Variants in LRRN3 observed in about 807,000 individuals in gnomAD.
LRRN3 encodes leucine rich repeat neuronal 3.
Under a neutral mutation model 40.1 loss-of-function variants are expected in LRRN3, and 15 were observed. The observed-to-expected ratio is 0.37, with a 90% confidence interval of 0.25 to 0.58. The LOEUF is 0.58. Ranked by LOEUF, LRRN3 falls within the 20% of genes least tolerant of loss-of-function variation. The probability of loss-of-function intolerance (pLI) is 0.72; values close to 1 mark genes in which losing one functional copy is unlikely to be tolerated. For synonymous variants in LRRN3, 308 were observed against 297.2 expected (o/e 1.04, Z -0.37); for missense variants, 746 against 837.7 (o/e 0.89, Z 1.35).
At chr7:111,119,143 G>T (rs1057093038) in intron 2 of LRRN3, among the ~76,000 whole-genome samples, 1 of 152,110 alleles carries the variant, frequency 6.6e-6, no homozygotes, top group Non-Finnish European at 1.5e-5. Context: ...CAGACCTAAC[G>T]AATTAATTGA....
At chr7:111,121,705 T>C (rs1563266224) in intron 2 of LRRN3, among the ~76,000 whole-genome samples, 1 of 152,282 alleles carries the variant, frequency 6.6e-6, no homozygotes, top group Non-Finnish European at 1.5e-5. Flanking sequence ...AGAAATACCA[T>C]TTGACCCAGC....
Position 111,124,144 on chromosome 7 carries a change from A to G in LRRN3, c.1372A>G (p.Thr458Ala). The change falls in exon 3 of 3, where the codon ACA becomes GCA. Residue 458 changes from threonine to alanine, a missense_variant. Thr to Ala is a moderately conservative substitution (Grantham distance 58). Coordinates refer to ENST00000308478, the MANE Select transcript of LRRN3 (RefSeq NM_001099658.2). Reference protein sequence around the residue: ...AEPQPEIYWITPSGQKLLPNT... With the variant: ...AEPQPEIYWIAPSGQKLLPNT... ...ACCACAGCCTGAAATCTACTGGATA[A>G]CACCTTCTGGTCAAAAACTCTTGCC... 1 of 1,613,994 alleles carries G rather than the reference A, an allele frequency of 6.2e-7. No individual in the cohort carries two copies. Among genetic ancestry groups the G allele is most frequent in the Non-Finnish European group, 8.5e-7 (1 of 1,179,984 alleles).
At chr7:111,112,207 G>A (rs753195385) in intron 2 of LRRN3, among the ~76,000 whole-genome samples, 12 of 151,768 alleles carry the variant, frequency 7.9e-5, no homozygotes, top group Non-Finnish European at 7.4e-5. Flanking sequence ...AGGTATATCC[G>A]CCTGACTTCG....
intron 2 of LRRN3, among the ~76,000 whole-genome samples, chr7:111,120,876 T>A (rs1471449979): frequency 6.6e-6 from 1 of 152,096 alleles, no homozygotes; most frequent in Non-Finnish European, 1.5e-5. Context: ...ATCTAACTCA[T>A]TTGGTTGTAA....
At chr7:111,092,188 G>T (rs1796943642) in intron 1 of LRRN3, among the ~76,000 whole-genome samples, 1 of 152,194 alleles carries the variant, frequency 6.6e-6, no homozygotes. Flanking sequence ...CTGGTCTGAA[G>T]GGACAGTGCA....
Position 111,122,693 on chromosome 7 carries a change from C to A in LRRN3, c.-80C>A. 1 of 1,079,102 alleles carries A rather than the reference C, an allele frequency of 9.3e-7. No homozygotes were observed. Among genetic ancestry groups the A allele is most frequent in the East Asian group, 2.4e-5 (1 of 41,686 alleles). The allele number at this position is 1,079,102 out of a possible 1,614,324, so 66.8% of individuals were successfully genotyped here. The stretch of plus-strand genomic sequence containing the variant: ...TGACAAATGCAAGCATCTTCCTTAT[C>A]AATCAGCTCCTATTGAACTTACTAG... On this transcript the variant is annotated 5_prime_UTR_variant, in exon 3 of 3. It introduces an in-frame stop codon into an upstream open reading frame of the 5' UTR. Coordinates refer to ENST00000308478, the MANE Select transcript of LRRN3 (RefSeq NM_001099658.2).
chr7:111,102,940 C>T (rs1798135791), intron 2 of LRRN3, among the ~76,000 whole-genome samples: 1 of 151,172 alleles, frequency 6.6e-6, no homozygotes, highest in Admixed American at 6.6e-5. Flanking sequence ...CTTAAAAGAC[C>T]ATATAGTATA....
At chr7:111,103,016 T>C (rs916503455) in intron 2 of LRRN3, among the ~76,000 whole-genome samples, 3 of 151,592 alleles carry the variant, frequency 2.0e-5, no homozygotes, top group Non-Finnish European at 4.4e-5. Context: ...ACATGGTCTT[T>C]TTTAAGACTA....
intron 2 of LRRN3, among the ~76,000 whole-genome samples, chr7:111,116,538 A>G (rs1316322274): frequency 6.6e-6 from 1 of 152,194 alleles, no homozygotes; most frequent in Admixed American, 6.5e-5. Flanking sequence ...ATTTCTTTAT[A>G]ATGGCAATCC....
intron 2 of LRRN3, among the ~76,000 whole-genome samples, chr7:111,111,818 C>T (rs559705394): frequency 2.3e-4 from 34 of 150,176 alleles, no homozygotes; most frequent in African/African-American, 6.4e-4. Context: ...CCATCCTGGG[C>T]GACAAAAGGA....
intron 2 of LRRN3, among the ~76,000 whole-genome samples, chr7:111,114,333 TGTTTGA>T (rs1799591043): frequency 6.6e-6 from 1 of 152,178 alleles, no homozygotes; most frequent in African/African-American, 2.4e-5. Flanking sequence ...TCTATGCCAC[TGTTTGA>T]CAGACACATA....
intron 2 of LRRN3, among the ~76,000 whole-genome samples, chr7:111,120,511 G>A (rs1320157932): frequency 6.6e-6 from 1 of 152,116 alleles, no homozygotes; most frequent in African/African-American, 2.4e-5. Flanking sequence ...AATTATCGGA[G>A]CTACAATTCA....
At chr7:111,093,067 A>C (rs973155690) in intron 1 of LRRN3, among the ~76,000 whole-genome samples, 62 of 152,352 alleles carry the variant, frequency 4.1e-4, no homozygotes, top group African/African-American at 1.5e-3. Context: ...GTCAGTTTAC[A>C]ACATGTAATA....
At chr7:111,108,660 G>T (rs918713156) in intron 2 of LRRN3, among the ~76,000 whole-genome samples, 1 of 151,820 alleles carries the variant, frequency 6.6e-6, no homozygotes, top group African/African-American at 2.4e-5. Flanking sequence ...TCTAAAGTGG[G>T]TATTGTTACA....
intron 1 of LRRN3, among the ~76,000 whole-genome samples, chr7:111,091,846 GAGA>G (rs1242423642): frequency 6.6e-6 from 1 of 151,972 alleles, no homozygotes; most frequent in Non-Finnish European, 1.5e-5. Flanking sequence ...GAGAGGGAGA[GAGA>G]AGGAGATGGG....
chr7:111,113,141 A>G (rs1799441549), intron 2 of LRRN3, among the ~76,000 whole-genome samples: 1 of 152,186 alleles, frequency 6.6e-6, no homozygotes. Context: ...GATTTCTGTA[A>G]TAATATTGTA....
At chr7:111,106,502 C>T (rs1306789825) in intron 2 of LRRN3, among the ~76,000 whole-genome samples, 2 of 151,704 alleles carry the variant, frequency 1.3e-5, no homozygotes, top group Non-Finnish European at 2.9e-5. Flanking sequence ...ATGTCTTCTA[C>T]CATCACCATT....
Position 111,124,670 on chromosome 7 carries a change from T to G in LRRN3, c.1898T>G (p.Leu633Arg), listed in dbSNP as rs756447602. The G allele has an allele frequency of 2.5e-6, 4 of 1,613,880 alleles. No homozygotes were observed. The highest frequency in any genetic ancestry group is 3.4e-6 in the Non-Finnish European group (4 of 1,179,902). Residue 633 changes from leucine (L) to arginine (R), a missense_variant, in exon 3 of 3, where the codon CTT becomes CGT. By Grantham distance (102) the Leu-to-Arg change is moderately radical. Transcript: ENST00000308478. ...KNNTTTLMACLGGLLGIIGVI... is the reference protein window; with the variant it reads ...KNNTTTLMACRGGLLGIIGVI... ...AATACCACAACACTTATGGCCTGTC[T>G]TGGAGGCCTTCTGGGGATTATTGGT...
chr7:111,112,310 C>T (rs1799330581), intron 2 of LRRN3, among the ~76,000 whole-genome samples: 1 of 152,100 alleles, frequency 6.6e-6, no homozygotes, highest in Non-Finnish European at 1.5e-5. Context: ...TTAATTTCCA[C>T]ACAGGAACTA....
Sources: allele counts gnomAD v4.1 joint callset (sites outside exome capture counted in the v4.1 genomes callset), GRCh38; gene constraint gnomAD v4.1.1; transcripts MANE v1.5; gene names NCBI Gene and HGNC (gene_info 2026-07-23, HGNC 2026-07-21).